DHRS4L2: variants seen among roughly 807,000 people sequenced by gnomAD.
DHRS4L2 encodes dehydrogenase/reductase 4 like 2.
Under a neutral mutation model 23.9 loss-of-function variants are expected in DHRS4L2, and 22 were observed. The observed-to-expected ratio is 0.92, with a 90% CI of 0.66 to 1.31. The LOEUF (loss-of-function observed/expected upper bound fraction) is 1.31, where lower values mean the gene tolerates loss of function less well. Ranked by LOEUF, DHRS4L2 falls within the 40% of genes most tolerant of loss-of-function variation. The pLI, the probability that DHRS4L2 is intolerant of heterozygous loss-of-function variation, is 0.00. For synonymous variants in DHRS4L2, 141 were observed against 123.7 expected (o/e 1.14, Z -0.93); for missense variants, 385 against 303.3 (o/e 1.27, Z -2.00).
intron 1 of DHRS4L2, among the ~76,000 whole-genome samples, chr14:23,974,666 T>G (rs990084836): frequency 9.9e-5 from 15 of 151,796 alleles, no homozygotes; most frequent in African/African-American, 3.6e-4. Flanking sequence ...GGATAAATTC[T>G]TGGACACATA....
chr14:23,995,966 T>C lies in DHRS4L2; in HGVS notation c.408+833T>C, dbSNP rs1377852832. ...AGAAGTGTGTTTTGGCTTACGATAC[T>C]GCAGACTGTACAAGAAGCATGGTGC... On this transcript the variant is annotated intron_variant, in intron 3 of 7. Transcript: ENST00000335125. 3.3e-5 allele frequency among the ~76,000 whole-genome samples: 5 copies of C among 151,918 alleles called. No homozygotes were observed. The East Asian group carries it at 9.6e-4, about 29-fold the overall frequency.
At chr14:23,993,711 G>C (rs144768899) in intron 2 of DHRS4L2, among the ~76,000 whole-genome samples, 1 of 151,588 alleles carries the variant, frequency 6.6e-6, no homozygotes, top group Non-Finnish European at 1.5e-5. Flanking sequence ...TTCAGTTTCT[G>C]CCTTGAATCT....
chr14:23,990,401 A>G, intron 2 of DHRS4L2, 42 bp downstream of exon 2: 1 of 1,575,442 alleles, frequency 6.3e-7, no homozygotes, highest in Non-Finnish European at 8.6e-7. Context: ...GAGGTGGAAA[A>G]GGAAGCCAGC....
At chr14:23,984,353 C>A (rs1004483533), upstream of DHRS4L2, among the ~76,000 whole-genome samples, 3 of 151,560 alleles carry the variant, frequency 2.0e-5, no homozygotes, top group African/African-American at 7.3e-5. Context: ...GAAAAACACA[C>A]TGATCCTGAA....
At chr14:23,988,843 G>A (rs1433392699), upstream of DHRS4L2, 2 of 1,457,534 alleles carry the variant, frequency 1.4e-6, no homozygotes, top group East Asian at 2.5e-5. Context: ...GGCCGAGGGC[G>A]GGAAGGGGGC....
intron 6 of DHRS4L2, among the ~76,000 whole-genome samples, chr14:24,001,787 C>A (rs1478938791): frequency 2.8e-5 from 3 of 108,874 alleles, no homozygotes; most frequent in Non-Finnish European, 5.1e-5. Flanking sequence ...AGAGACGCAG[C>A]AAAATGCATC....
intron 1 of DHRS4L2, among the ~76,000 whole-genome samples, chr14:23,975,216 G>C (rs976477878): frequency 2.0e-5 from 3 of 151,750 alleles, no homozygotes; most frequent in Non-Finnish European, 4.4e-5. Context: ...TCCTTAAGCT[G>C]ATAAGCAACT....
Position 23,982,188 on chromosome 14 carries a change from G to A in DHRS4L2, c.-175-7994G>A, listed in dbSNP as rs145305007. On this transcript the variant is annotated intron_variant, in intron 1 of 5. Transcript: ENST00000534993. ...AGCGTTGCAGGGCAGAGGTCCCTGC[G>A]GCTTTCCGCAGTGCATTGTGCCCCT... is the stretch of plus-strand genomic sequence containing the variant. 2.9e-3 allele frequency among the ~76,000 whole-genome samples: 436 copies of A among 151,726 alleles called. 3 individuals are homozygous for A. The highest frequency in any genetic ancestry group is 3.9e-3 in the African/African-American group (160 of 41,382).
upstream of DHRS4L2, among the ~76,000 whole-genome samples, chr14:23,986,913 A>G (rs368267816): frequency 2.1e-3 from 317 of 151,604 alleles, 6 homozygotes; most frequent in African/African-American, 6.9e-3. Flanking sequence ...TCTGTCAATA[A>G]TTCATGAGGC....
chr14:23,975,111 A>G (rs1012843730), intron 1 of DHRS4L2, among the ~76,000 whole-genome samples: 1 of 151,748 alleles, frequency 6.6e-6, no homozygotes, highest in African/African-American at 2.4e-5. Context: ...GAAGAAATAA[A>G]GGGTATTCAA....
upstream of DHRS4L2, among the ~76,000 whole-genome samples, chr14:23,983,835 A>T (rs2034094133): frequency 6.6e-6 from 1 of 151,560 alleles, no homozygotes; most frequent in South Asian, 2.1e-4. Context: ...GAACAATGAG[A>T]ACACATGGAC....
At chr14:23,981,168 CAG>C (rs972200026) in intron 1 of DHRS4L2, among the ~76,000 whole-genome samples, 2 of 150,626 alleles carry the variant, frequency 1.3e-5, no homozygotes, top group African/African-American at 5.0e-5. Flanking sequence ...CAATAATAGA[CAG>C]AGAGCCAAAT....
upstream of DHRS4L2, among the ~76,000 whole-genome samples, chr14:23,984,575 T>C (rs2034107278): frequency 6.6e-6 from 1 of 151,188 alleles, no homozygotes; most frequent in South Asian, 2.1e-4. Context: ...GGCAGGAAGA[T>C]CACTAGGTCA....
intron 1 of DHRS4L2, among the ~76,000 whole-genome samples, chr14:23,970,823 C>T (rs900834640): frequency 6.6e-6 from 1 of 151,948 alleles, no homozygotes; most frequent in Non-Finnish European, 1.5e-5. Flanking sequence ...TCTACTGATA[C>T]CCAAGAAAAT....
chr14:23,994,099 G>T lies in DHRS4L2; in HGVS notation c.307-933G>T, dbSNP rs570300412. On this transcript the variant is annotated intron_variant, in intron 2 of 7. Coordinates refer to ENST00000335125, the MANE Select transcript of DHRS4L2 (RefSeq NM_198083.4). Reference sequence around the variant, plus strand: ...CCACCTTAAGGACACTGGAATAGATGATCTCAAAGGCCCCTCCAGGGTAAC... The same window carrying T: ...CCACCTTAAGGACACTGGAATAGATTATCTCAAAGGCCCCTCCAGGGTAAC... 2.6e-4 allele frequency among the ~76,000 whole-genome samples: 40 copies of T among 151,884 alleles called. 1 individual carries two copies. Among genetic ancestry groups the T allele is most frequent in the Non-Finnish European group, 4.0e-4 (27 of 67,936 alleles).
chr14:23,974,418 T>C (rs371013153), intron 1 of DHRS4L2, among the ~76,000 whole-genome samples: 2 of 150,522 alleles, frequency 1.3e-5, no homozygotes, highest in South Asian at 4.2e-4. Context: ...CTGAAGGTGA[T>C]AGAGACATTA....
At chr14:23,993,424 G>A (rs1280121457) in intron 2 of DHRS4L2, among the ~76,000 whole-genome samples, 1 of 151,632 alleles carries the variant, frequency 6.6e-6, no homozygotes, top group Admixed American at 6.6e-5. Flanking sequence ...GTTAAAACGG[G>A]AAGCTAGCAG....
intron 1 of DHRS4L2, 35 bp downstream of exon 1, chr14:23,989,110 C>A (rs771105091): frequency 1.3e-6 from 2 of 1,550,520 alleles, no homozygotes; most frequent in Admixed American, 2.0e-5. Context: ...GAGGCCCTGG[C>A]TGCCTGGAAA....
chr14:23,973,099 G>A (rs914076773), intron 1 of DHRS4L2, among the ~76,000 whole-genome samples: 12 of 151,806 alleles, frequency 7.9e-5, no homozygotes, highest in Non-Finnish European at 1.6e-4. Flanking sequence ...CCTCTATCTC[G>A]ACTGCAAGAG....
Sources: allele counts gnomAD v4.1 joint callset (sites outside exome capture counted in the v4.1 genomes callset), GRCh38; gene constraint gnomAD v4.1.1; transcripts MANE v1.5; gene names NCBI Gene and HGNC (gene_info 2026-07-23, HGNC 2026-07-21).